Variants in SUN3 observed in about 807,000 individuals in gnomAD.
SUN3 encodes Sad1 and UNC84 domain containing 3.
Under a neutral mutation model 48.2 loss-of-function variants are expected in SUN3, and 36 were observed. That is an observed-to-expected ratio of 0.75 (90% CI 0.57 to 0.99). The LOEUF is 0.99. SUN3 is among the 50% of genes least tolerant of loss of function. The pLI is 0.00. For synonymous variants in SUN3, 148 were observed against 147.9 expected (o/e 1.00, Z 0.00); for missense variants, 419 against 433.1 (o/e 0.97, Z 0.29).
chr7:48,031,003 C>G (rs1247462140), upstream of SUN3, among the ~76,000 whole-genome samples: 1 of 152,098 alleles, frequency 6.6e-6, no homozygotes, highest in South Asian at 2.1e-4. Context: ...AGATAAAAGA[C>G]TTAAACATAA....
chr7:48,004,407 C>T (rs776140477), intron 6 of SUN3, among the ~76,000 whole-genome samples: 32 of 152,218 alleles, frequency 2.1e-4, no homozygotes, highest in Non-Finnish European at 4.1e-4. Flanking sequence ...TGGTTCCAAT[C>T]TCAATTCAGT....
chr7:48,005,847 A>C (rs1047997531), intron 6 of SUN3, 122 bp downstream of exon 6: 3 of 501,604 alleles, frequency 6.0e-6, no homozygotes, highest in African/African-American at 2.4e-5. Flanking sequence ...AAATTGATTA[A>C]TTTCCCCCCC....
chr7:48,001,216 T>C (rs1426491310), intron 6 of SUN3, among the ~76,000 whole-genome samples: 1 of 152,180 alleles, frequency 6.6e-6, no homozygotes, highest in Non-Finnish European at 1.5e-5. Context: ...TTAGTTATTT[T>C]TCCTGATCCT....
chr7:48,025,804 C>T, intron 2 of SUN3, 73 bp downstream of exon 2: 31 of 1,011,098 alleles, frequency 3.1e-5, no homozygotes, highest in Non-Finnish European at 4.5e-5. Flanking sequence ...TGAGTCATTC[C>T]GTTGAGATCT....
At chr7:48,027,557 A>G (rs1252035744) in intron 1 of SUN3, among the ~76,000 whole-genome samples, 1 of 152,232 alleles carries the variant, frequency 6.6e-6, no homozygotes, top group African/African-American at 2.4e-5. Flanking sequence ...ACTTCCGGAT[A>G]AAGTATTACA....
At chr7:48,003,478 A>T (rs1294084452) in intron 6 of SUN3, among the ~76,000 whole-genome samples, 5 of 152,188 alleles carry the variant, frequency 3.3e-5, no homozygotes, top group African/African-American at 9.7e-5. Flanking sequence ...ATAGCATTGG[A>T]TCTATAAATT....
intron 2 of SUN3, among the ~76,000 whole-genome samples, chr7:48,019,977 CAAAAA>C (rs869166401): frequency 3.1e-5 from 2 of 64,144 alleles, no homozygotes; most frequent in South Asian, 8.5e-4. Flanking sequence ...AAAGACACAT[CAAAAA>C]AAAAAAAAAA....
chr7:48,031,463 T>C (rs540069359), upstream of SUN3, among the ~76,000 whole-genome samples: 67 of 152,132 alleles, frequency 4.4e-4, no homozygotes, highest in Non-Finnish European at 3.7e-4. Context: ...CCCAGGAGTT[T>C]GAGACCAGCC....
At chr7:48,022,021 G>A (rs567088021) in intron 2 of SUN3, among the ~76,000 whole-genome samples, 46 of 152,194 alleles carry the variant, frequency 3.0e-4, no homozygotes, top group African/African-American at 1.1e-3. Context: ...AGCAACCTAA[G>A]TGTCCATCAG....
At chr7:48,023,209 A>G (rs544454542) in intron 2 of SUN3, among the ~76,000 whole-genome samples, 2 of 152,252 alleles carry the variant, frequency 1.3e-5, no homozygotes, top group East Asian at 3.9e-4. Flanking sequence ...GTTTATGGGT[A>G]CCCAATGTGT....
intron 3 of SUN3, among the ~76,000 whole-genome samples, chr7:48,013,380 C>CTAAT (rs1789731922): frequency 6.6e-6 from 1 of 152,162 alleles, no homozygotes. Flanking sequence ...ATAACTATTA[C>CTAAT]CATTATCCTG....
Position 48,028,880 on chromosome 7 carries a change from T to G in SUN3, c.59A>C (p.Asp20Ala). 6.2e-7 allele frequency: 1 copy of G among 1,613,966 alleles called. No homozygotes were observed. The highest frequency in any genetic ancestry group is 2.2e-5 in the East Asian group (1 of 44,880). Residue 20 changes from aspartate to alanine, a missense_variant, in exon 1 of 10, where the codon GAC becomes GCC. By Grantham distance (126) the Asp-to-Ala change is moderately radical. Transcript: ENST00000297325. ...AAMFFRRCSE[D>A]ASGSASGNAL... The stretch of plus-strand genomic sequence containing the variant: ...ATTGCCACTGGCGCTACCGCTGGCG[T>G]CTTCAGAGCAACGTCTAAAAAACAT...
chr7:47,998,469 T>C (rs1789271186), intron 6 of SUN3, among the ~76,000 whole-genome samples: 1 of 152,232 alleles, frequency 6.6e-6, no homozygotes, highest in Admixed American at 6.5e-5. Context: ...TTCAAGAATG[T>C]GTGTGGTTTC....
Position 47,994,357 on chromosome 7 carries a change from C to G in SUN3, c.819G>C (p.Pro273=), listed in dbSNP as rs138815958. The G allele has an allele frequency of 1.4e-5, 23 of 1,613,470 alleles. No homozygotes were observed. The Admixed American group carries it at 3.8e-4, about 27-fold the overall frequency. ...TGGGTGCACTGGAGATGTTTCCTGA[C>G]GGAGACACCTTCTCTGAGATGTGCT... is the stretch of plus-strand genomic sequence containing the variant. The part of the protein sequence containing the change: ...TMEHISEKVS[P]SGNISSAPKE... The change falls in exon 8 of 10, where the codon CCG becomes CCC. Residue 273 remains proline (P), a synonymous_variant. Coordinates refer to ENST00000297325, the MANE Select transcript of SUN3 (RefSeq NM_001030019.2).
At position 48,000,911 on chromosome 7, in the gene SUN3, C is replaced by T. The variant is rs1463750124; in HGVS notation, c.578-4765G>A. Among the ~76,000 whole-genome samples, 9 of 148,114 alleles carry T rather than the reference C, an allele frequency of 6.1e-5. No homozygotes were observed. The East Asian group carries it at 1.6e-3, about 26-fold the overall frequency. On this transcript the variant is annotated intron_variant, in intron 6 of 9. Coordinates refer to ENST00000297325, the MANE Select transcript of SUN3 (RefSeq NM_001030019.2). The stretch of plus-strand genomic sequence containing the variant: ...GAGTTTGAGATGTTTTTAGCTATTA[C>T]GTCTTTAGATACATTGGTCTCTTCT...
In SUN3 at chr7:48,006,000, G is replaced by A. The variant is rs61746437; in HGVS notation, c.546C>T (p.Val182=). The A allele has an allele frequency of 5.3e-4, 861 of 1,612,564 alleles. 12 individuals are homozygous for A. The African/African-American group carries it at 9.9e-3, about 19-fold the overall frequency. Residue 182 remains valine (V), a synonymous_variant, in exon 6 of 10, where the codon GTC becomes GTT. Coordinates refer to ENST00000297325, the MANE Select transcript of SUN3 (RefSeq NM_001030019.2). ...ACTTCAGGGCATAATCAGCCATCTC[G>A]ACTTGGTCTTCTCTCAACTTTTTAA... ...YVLKKLREDQ[V]EMADYALKSA...
intron 3 of SUN3, among the ~76,000 whole-genome samples, chr7:48,012,237 A>C (rs184691548): frequency 7.9e-5 from 12 of 152,298 alleles, no homozygotes; most frequent in Admixed American, 2.6e-4. Context: ...TTCAGCAACA[A>C]AGTCCCTGTG....
At chr7:48,028,763 T>C in intron 1 of SUN3, 54 bp downstream of exon 1, 7 of 1,597,490 alleles carry the variant, frequency 4.4e-6, no homozygotes, top group Non-Finnish European at 6.0e-6. Context: ...AAGTGACAGA[T>C]GTAACACATA....
the SUN3 span, among the ~76,000 whole-genome samples, chr7:48,034,182 C>G: frequency 1.4e-3 from 215 of 152,296 alleles, 1 homozygote; most frequent in African/African-American, 4.8e-3. Context: ...TGCAGTGGAA[C>G]AAACATTTGA....
Sources: allele counts gnomAD v4.1 joint callset (sites outside exome capture counted in the v4.1 genomes callset), GRCh38; gene constraint gnomAD v4.1.1; transcripts MANE v1.5; gene names NCBI Gene and HGNC (gene_info 2026-07-23, HGNC 2026-07-21).